SNCAIP: variants seen among roughly 807,000 people sequenced by gnomAD.
SNCAIP encodes synphilin-1.
In SNCAIP, 43 loss-of-function variants were observed where a neutral mutation model predicts 86.7. The observed-to-expected ratio is 0.50, with a 90% CI of 0.39 to 0.64. The LOEUF (loss-of-function observed/expected upper bound fraction) is 0.64, where lower values mean the gene tolerates loss of function less well. Ranked by LOEUF, SNCAIP falls within the 30% of genes least tolerant of loss-of-function variation. SNCAIP has a pLI of 0.00. For synonymous variants in SNCAIP, 417 were observed against 427.2 expected, an observed-to-expected ratio of 0.98 and a Z score of 0.29; for missense variants, 981 against 1,103.1, an observed-to-expected ratio of 0.89 and a Z score of 1.57.
chr5:122,380,122 C>T (rs1027415728), intron 1 of SNCAIP, among the ~76,000 whole-genome samples: 27 of 152,108 alleles, frequency 1.8e-4, no homozygotes, highest in South Asian at 6.2e-4. Context: ...ATGGTACCAG[C>T]GCCTCCTTGT....
chr5:122,327,546 C>T (rs138239654), intron 1 of SNCAIP, among the ~76,000 whole-genome samples: 244 of 152,180 alleles, frequency 1.6e-3, no homozygotes, highest in African/African-American at 4.6e-3. Context: ...GGAGTCCACA[C>T]GAAATCTGGT....
At chr5:122,318,326 A>G (rs980139786) in intron 1 of SNCAIP, among the ~76,000 whole-genome samples, 2 of 152,156 alleles carry the variant, frequency 1.3e-5, no homozygotes, top group African/African-American at 2.4e-5. Flanking sequence ...TGCTTTTTCA[A>G]GAAGCCCCTG....
intron 3 of SNCAIP, among the ~76,000 whole-genome samples, chr5:122,413,905 G>A (rs952998761): frequency 3.3e-5 from 5 of 152,086 alleles, no homozygotes; most frequent in African/African-American, 1.2e-4. Flanking sequence ...AAAGGTTGGG[G>A]GATTTTTTTG....
intron 3 of SNCAIP, among the ~76,000 whole-genome samples, chr5:122,406,451 C>T (rs1047159716): frequency 1.4e-4 from 21 of 152,126 alleles, no homozygotes; most frequent in Non-Finnish European, 3.1e-4. Flanking sequence ...TACAGTATAC[C>T]TGATATGGTT....
At chr5:122,400,059 A>C (rs979352802) in intron 2 of SNCAIP, among the ~76,000 whole-genome samples, 2 of 152,096 alleles carry the variant, frequency 1.3e-5, no homozygotes, top group African/African-American at 4.8e-5. Flanking sequence ...AAGCTGGAAG[A>C]ATTAAAAGGA....
At chr5:122,319,592 T>C (rs1752525300) in intron 1 of SNCAIP, among the ~76,000 whole-genome samples, 1 of 152,208 alleles carries the variant, frequency 6.6e-6, no homozygotes, top group Non-Finnish European at 1.5e-5. Flanking sequence ...AGAGAAAAGA[T>C]GTCCACACAT....
At chr5:122,343,133 C>T (rs1364729528) in intron 1 of SNCAIP, among the ~76,000 whole-genome samples, 1 of 152,304 alleles carries the variant, frequency 6.6e-6, no homozygotes, top group East Asian at 1.9e-4. Flanking sequence ...GGCACAAGTA[C>T]AAACTGAACA....
At chr5:122,462,800 A>G (rs1453275119) in intron 10 of SNCAIP, among the ~76,000 whole-genome samples, 1 of 152,160 alleles carries the variant, frequency 6.6e-6, no homozygotes, top group African/African-American at 2.4e-5. Context: ...CCACCCTCAG[A>G]ATATAGCTCC....
rs1768055694 is a variant in SNCAIP, at chr5:122,385,993, A to G, written c.-46-5096A>G. On this transcript the variant is annotated intron_variant, in intron 1 of 10. Coordinates refer to ENST00000261368, the MANE Select transcript of SNCAIP (RefSeq NM_005460.4). ...TAGAGTGAGGCAATACATTTTTAAA[A>G]ATTTTTCAGTAGAGCAATTTATGTG... Among the ~76,000 whole-genome samples the G allele has an allele frequency of 3.3e-5, 5 of 152,140 alleles. No homozygotes were observed. The South Asian group carries it at 1.0e-3, about 32-fold the overall frequency.
At chr5:122,400,431 G>A (rs1198807055) in intron 2 of SNCAIP, among the ~76,000 whole-genome samples, 1 of 152,324 alleles carries the variant, frequency 6.6e-6, no homozygotes, top group African/African-American at 2.4e-5. Flanking sequence ...ATATGTACAC[G>A]TCTTGTTATT....
chr5:122,373,642 C>G (rs1027085267), intron 1 of SNCAIP, among the ~76,000 whole-genome samples: 2 of 152,190 alleles, frequency 1.3e-5, no homozygotes, highest in African/African-American at 4.8e-5. Flanking sequence ...ATCCTTTCTT[C>G]TAATTTTCAA....
intron 3 of SNCAIP, among the ~76,000 whole-genome samples, chr5:122,413,204 TC>T (rs1167382639): frequency 2.6e-5 from 4 of 152,142 alleles, no homozygotes; most frequent in African/African-American, 9.7e-5. Context: ...GCCAATAAAA[TC>T]CCCAAATGGG....
At chr5:122,436,079 G>A (rs2152955941) in intron 6 of SNCAIP, among the ~76,000 whole-genome samples, 1 of 152,128 alleles carries the variant, frequency 6.6e-6, no homozygotes, top group South Asian at 2.1e-4. Context: ...CGCAATTGTG[G>A]ATATCCATAC....
intron 3 of SNCAIP, among the ~76,000 whole-genome samples, chr5:122,420,188 T>C (rs1476180094): frequency 6.6e-6 from 1 of 152,198 alleles, no homozygotes; most frequent in Non-Finnish European, 1.5e-5. Flanking sequence ...GCACTCCTTC[T>C]TCAGTTTCTA....
At chr5:122,333,417 G>T (rs1022530631) in intron 1 of SNCAIP, among the ~76,000 whole-genome samples, 3 of 152,108 alleles carry the variant, frequency 2.0e-5, no homozygotes, top group Admixed American at 1.3e-4. Flanking sequence ...TTTTACTACC[G>T]CCTGCCTTGC....
At chr5:122,449,756 C>G in intron 8 of SNCAIP, 89 bp from the exon 9 acceptor site, 1 of 916,520 alleles carries the variant, frequency 1.1e-6, no homozygotes. Flanking sequence ...TTGCAACTTA[C>G]TGGAAATTAT....
At position 122,429,457 on chromosome 5, in the gene SNCAIP, C is replaced by CAAA. The variant is rs368162956; in HGVS notation, c.1183-2500_1183-2498dup. ...GAATGCCTAATTTAGGTAAACTGAC[C>CAAA]AAAAAAAAAAAAAATAGAAGACCTA... On this transcript the variant is annotated intron_variant, in intron 5 of 10. Transcript: ENST00000261368. Among the ~76,000 whole-genome samples, 170 of 143,054 alleles carry CAAA rather than the reference C, an allele frequency of 1.2e-3. 2 individuals carry two copies. Among genetic ancestry groups the CAAA allele is most frequent in the East Asian group, 0.01 (47 of 4,654 alleles). The allele number at this position is 143,054 out of a possible 152,430, so 93.8% of individuals were successfully genotyped here.
At chr5:122,350,521 T>TG (rs908835666) in intron 1 of SNCAIP, among the ~76,000 whole-genome samples, 4 of 151,792 alleles carry the variant, frequency 2.6e-5, no homozygotes, top group African/African-American at 9.7e-5. Context: ...TTTGTTTGTT[T>TG]TTTTTTTTTA....
At chr5:122,401,049 G>A (rs1343854873) in intron 2 of SNCAIP, 8 of 1,550,224 alleles carry the variant, frequency 5.2e-6, no homozygotes, top group Non-Finnish European at 7.0e-6. Flanking sequence ...CAGGGAAGAT[G>A]CAATGGGCTT....
Sources: allele counts gnomAD v4.1 joint callset (sites outside exome capture counted in the v4.1 genomes callset), GRCh38; gene constraint gnomAD v4.1.1; transcripts MANE v1.5; gene names NCBI Gene and HGNC (gene_info 2026-07-23, HGNC 2026-07-21).